The following KIF26B variants were observed in gnomAD, a reference collection of about 807,000 sequenced individuals.
KIF26B encodes kinesin family member 26B, also known as kinesin-like protein KIF26B.
A neutral mutation model predicts 151.2 loss-of-function variants in KIF26B; 63 were observed. That is an observed-to-expected ratio of 0.42 (90% CI 0.34 to 0.51). The LOEUF (loss-of-function observed/expected upper bound fraction) is 0.51. Ranked by LOEUF, KIF26B falls within the 20% of genes least tolerant of loss-of-function variation. The probability of loss-of-function intolerance (pLI) is 0.07; values close to 1 mark genes in which losing one functional copy is unlikely to be tolerated. For synonymous variants in KIF26B, 1,357 were observed against 1,262.1 expected (o/e 1.08, Z -1.59); for missense variants, 2,813 against 2,913.6 (o/e 0.97, Z 0.79).
intron 2 of KIF26B, among the ~76,000 whole-genome samples, chr1:245,255,384 A>G (rs1264561668): frequency 6.6e-6 from 1 of 152,242 alleles, no homozygotes; most frequent in Non-Finnish European, 1.5e-5. Flanking sequence ...TTGGAGGAGA[A>G]GTCTCTGAAC....
intron 10 of KIF26B, among the ~76,000 whole-genome samples, chr1:245,658,167 G>C (rs888440814): frequency 6.6e-6 from 1 of 152,092 alleles, no homozygotes; most frequent in Non-Finnish European, 1.5e-5. Flanking sequence ...ACCTTCTTTT[G>C]ATCAGTATTT....
At chr1:245,553,405 C>A (rs113521005) in intron 5 of KIF26B, among the ~76,000 whole-genome samples, 3 of 152,168 alleles carry the variant, frequency 2.0e-5, no homozygotes, top group African/African-American at 7.2e-5. Flanking sequence ...GCTGCCTTGG[C>A]GGGGTGGCAG....
At position 245,564,133 on chromosome 1, in the gene KIF26B, C is replaced by A. The variant is rs1057466972; in HGVS notation, c.1350+23183C>A. On this transcript the variant is annotated intron_variant, in intron 5 of 14. Transcript: ENST00000407071. The surrounding 1 kb of genome is among the most constrained non-coding windows in gnomAD (Gnocchi z 4.6). The stretch of plus-strand genomic sequence containing the variant: ...CTTCCTATCCCAAAATGTCACCTCC[C>A]CTGTGTTGCAGCCACACTGAAGCCT... Among the ~76,000 whole-genome samples the A allele has an allele frequency of 6.6e-6, 1 of 152,162 alleles. No individual in the cohort carries two copies. The highest frequency in any genetic ancestry group is 2.4e-5 in the African/African-American group (1 of 41,448).
chr1:245,367,386 C>G lies in KIF26B; in HGVS notation c.999+19C>G. 1 of 1,565,098 alleles carries G rather than the reference C, an allele frequency of 6.4e-7. No individual in the cohort carries two copies. The highest frequency in any genetic ancestry group is 1.7e-4 in the Middle Eastern group (1 of 5,886). Reference sequence around the variant, plus strand: ...ATACCAGGTAAGTAGCCTGTGTGAGCCAGGAAGAGCAGGGCTGGCTGGAGT... The same window carrying G: ...ATACCAGGTAAGTAGCCTGTGTGAGGCAGGAAGAGCAGGGCTGGCTGGAGT... On this transcript the variant is annotated intron_variant, in intron 3 of 14. Coordinates refer to ENST00000407071, the MANE Select transcript of KIF26B (RefSeq NM_018012.4). The surrounding 1 kb of genome is among the most constrained non-coding windows in gnomAD (Gnocchi z 4.2).
chr1:245,332,214 C>T (rs1054517457), intron 2 of KIF26B, among the ~76,000 whole-genome samples: 3 of 152,282 alleles, frequency 2.0e-5, no homozygotes, highest in Middle Eastern at 3.4e-3. Flanking sequence ...TGCTGCAGAC[C>T]GTCTTCTAAG....
At chr1:245,457,392 C>T (rs939756861) in intron 4 of KIF26B, among the ~76,000 whole-genome samples, 17 of 152,176 alleles carry the variant, frequency 1.1e-4, no homozygotes, top group African/African-American at 2.7e-4. Context: ...GGACAAATAT[C>T]GCAAATCAGA....
intron 2 of KIF26B, among the ~76,000 whole-genome samples, chr1:245,342,417 A>G (rs1307815174): frequency 6.6e-6 from 1 of 152,166 alleles, no homozygotes; most frequent in Non-Finnish European, 1.5e-5. Context: ...TAAGAGTGTT[A>G]ATGATGCTGC....
chr1:245,588,892 G>A (rs1013932896), intron 5 of KIF26B, among the ~76,000 whole-genome samples: 11 of 152,248 alleles, frequency 7.2e-5, no homozygotes, highest in Admixed American at 5.2e-4. Context: ...GTTACTGGAC[G>A]TTCTTGCTCT....
intron 10 of KIF26B, among the ~76,000 whole-genome samples, chr1:245,683,027 C>T (rs966384965): frequency 2.0e-5 from 3 of 152,160 alleles, no homozygotes; most frequent in Non-Finnish European, 2.9e-5. Context: ...TTTAGCCCAG[C>T]GTCGCCAAAC....
At chr1:245,245,109 T>C (rs1293047329) in intron 2 of KIF26B, among the ~76,000 whole-genome samples, 1 of 152,094 alleles carries the variant, frequency 6.6e-6, no homozygotes, top group South Asian at 2.1e-4. Flanking sequence ...AAAAAAGAAC[T>C]TGATGGAGGC....
intron 4 of KIF26B, among the ~76,000 whole-genome samples, chr1:245,439,260 T>C (rs1028954190): frequency 2.0e-5 from 3 of 150,374 alleles, no homozygotes; most frequent in African/African-American, 7.4e-5. Flanking sequence ...GGTGGGAGGA[T>C]TGATTGAGCC....
intron 2 of KIF26B, among the ~76,000 whole-genome samples, chr1:245,280,133 C>T (rs1671012590): frequency 6.6e-6 from 1 of 152,002 alleles, no homozygotes; most frequent in South Asian, 2.1e-4. Flanking sequence ...CCCATTTCAG[C>T]AGAAGTAGCC....
intron 3 of KIF26B, among the ~76,000 whole-genome samples, chr1:245,410,537 C>A (rs541488924): frequency 6.6e-6 from 1 of 152,252 alleles, no homozygotes; most frequent in South Asian, 2.1e-4. Context: ...TAGCCCCCAA[C>A]CACCCAAGCT....
At chr1:245,258,213 G>A (rs564682482) in intron 2 of KIF26B, among the ~76,000 whole-genome samples, 3 of 152,116 alleles carry the variant, frequency 2.0e-5, no homozygotes, top group African/African-American at 7.2e-5. Flanking sequence ...TATGGAGTTC[G>A]CTGTACATGA....
At position 245,688,441 on chromosome 1, in the gene KIF26B, G is replaced by A. The variant is rs1028118796; in HGVS notation, c.5458G>A (p.Gly1820Ser). 6 of 1,380,388 alleles carry A rather than the reference G, an allele frequency of 4.3e-6. No individual in the cohort carries two copies. In the South Asian group the frequency reaches 7.0e-5, roughly 16 times the overall value. The allele number at this position is 1,380,388 out of a possible 1,614,324, so 85.5% of individuals were successfully genotyped here. A position where few individuals can be genotyped will look rare whatever the true frequency, so the allele number is the denominator to read the frequency against. ...GCTGCAGGGTGGCGCGGGCGCCCGG[G>A]GCTTGCAGCTGCGGGCCGGGCCCGA... The part of the protein sequence containing the change: ...ELLQGGAGAR[G>S]LQLRAGPEAE... Residue 1820 changes from glycine (G) to serine (S), a missense_variant, in exon 12 of 15, where the codon GGC becomes AGC. Coordinates refer to ENST00000407071, the MANE Select transcript of KIF26B (RefSeq NM_018012.4).
intron 5 of KIF26B, among the ~76,000 whole-genome samples, chr1:245,555,173 G>A (rs1416427481): frequency 6.6e-6 from 1 of 152,188 alleles, no homozygotes; most frequent in African/African-American, 2.4e-5. Context: ...AGGGGTAGGC[G>A]AGATTCTTGG....
intron 4 of KIF26B, among the ~76,000 whole-genome samples, chr1:245,477,322 G>C (rs1660061634): frequency 6.7e-6 from 1 of 149,660 alleles, no homozygotes. Flanking sequence ...AGCATGCACT[G>C]TGTGCCGGGC....
At chr1:245,419,829 T>C (rs1658433181) in intron 4 of KIF26B, 84 bp downstream of exon 4, 1 of 1,284,816 alleles carries the variant, frequency 7.8e-7, no homozygotes, top group Non-Finnish European at 1.1e-6. Context: ...GCTGAAACAC[T>C]AGAAAGAGTT....
intron 2 of KIF26B, among the ~76,000 whole-genome samples, chr1:245,179,159 C>T (rs1209831216): frequency 6.6e-6 from 1 of 152,184 alleles, no homozygotes; most frequent in Non-Finnish European, 1.5e-5. Flanking sequence ...ATTTCCCCCT[C>T]TCCACTCTAA....
Sources: allele counts gnomAD v4.1 joint callset (sites outside exome capture counted in the v4.1 genomes callset), GRCh38; gene constraint gnomAD v4.1.1; non-coding constraint Gnocchi (gnomAD v3.1); transcripts MANE v1.5; gene names NCBI Gene and HGNC (gene_info 2026-07-23, HGNC 2026-07-21).